The following ABLIM2 variants were observed in gnomAD, a reference collection of about 807,000 sequenced individuals.
ABLIM2 encodes actin-binding LIM protein 2.
A neutral mutation model predicts 97.7 loss-of-function variants in ABLIM2; 53 were observed. That is an observed-to-expected ratio of 0.54 (90% confidence interval 0.44 to 0.68). ABLIM2 has a LOEUF of 0.68. Among genes scored for constraint, ABLIM2 ranks in the 30% least tolerant of loss-of-function variants. The probability of loss-of-function intolerance (pLI) is 0.00; values close to 1 mark genes in which losing one functional copy is unlikely to be tolerated. For synonymous variants in ABLIM2, 361 were observed against 345.8 expected (o/e 1.04, Z -0.49); for missense variants, 835 against 867.2 (o/e 0.96, Z 0.47).
rs1753198849 is a variant in ABLIM2, at chr4:7,996,197, T to C, written c.1619-3270A>G. Among the ~76,000 whole-genome samples, 1 of 152,166 alleles carries C rather than the reference T, an allele frequency of 6.6e-6. No individual in the cohort carries two copies. The highest frequency in any genetic ancestry group is 2.1e-4 in the South Asian group (1 of 4,830). On this transcript the variant is annotated intron_variant, in intron 16 of 20. Coordinates refer to ENST00000447017, the MANE Select transcript of ABLIM2 (RefSeq NM_001130083.2). The surrounding 1 kb of genome is among the most constrained non-coding windows in gnomAD (Gnocchi z 4.5). ...GGAACTCGTCAGAAATGCAAATTAG[T>C]GGGCCCTACCCTAGACCTCCTGTGT...
Position 7,986,386 on chromosome 4 carries a change from G to A in ABLIM2, c.1681-1493C>T, listed in dbSNP as rs1358070054. 2.0e-5 allele frequency among the ~76,000 whole-genome samples: 3 copies of A among 152,210 alleles called. No individual in the cohort carries two copies. The highest frequency in any genetic ancestry group is 4.4e-5 in the Non-Finnish European group (3 of 68,040). On this transcript the variant is annotated intron_variant, in intron 17 of 20. Coordinates refer to ENST00000447017, the MANE Select transcript of ABLIM2 (RefSeq NM_001130083.2). The surrounding 1 kb of genome is among the most constrained non-coding windows in gnomAD (Gnocchi z 4.3). ...CCGAGGGAAGCTGGACCTTCTTCCT[G>A]ATGCAGAGCTGGAGTCAGAGGGCTA...
chr4:8,115,136 A>G (rs150145058), intron 1 of ABLIM2, among the ~76,000 whole-genome samples: 1 of 152,328 alleles, frequency 6.6e-6, no homozygotes, highest in Non-Finnish European at 1.5e-5. Flanking sequence ...AGATGTGTGC[A>G]GATGAAACTG....
At chr4:8,110,509 A>G (rs1278421766) in intron 1 of ABLIM2, among the ~76,000 whole-genome samples, 1 of 152,154 alleles carries the variant, frequency 6.6e-6, no homozygotes, top group Non-Finnish European at 1.5e-5. Context: ...GGCCCCAAGG[A>G]TGCCAGGACC....
In ABLIM2 at chr4:7,965,863, G is replaced by C. The variant is rs1722776986; in HGVS notation, c.*1127C>G. On this transcript the variant is annotated 3_prime_UTR_variant, in exon 21 of 21. Transcript: ENST00000447017. Reference sequence around the variant, plus strand: ...CTGTTTCAGGGAGCACATCGCTCCTGGGGCATGTGGGGTTTATGTTTCAGG... The same window carrying C: ...CTGTTTCAGGGAGCACATCGCTCCTCGGGCATGTGGGGTTTATGTTTCAGG... The C allele has an allele frequency of 2.0e-5, 3 of 152,078 alleles. No individual in the cohort carries two copies. The allele number at this position is 152,078 out of a possible 1,614,324, so 9.4% of individuals were successfully genotyped here.
In ABLIM2 at chr4:8,095,025, CCCA is replaced by C. The variant is rs1271971212; in HGVS notation, c.338+2071_338+2073del. The stretch of plus-strand genomic sequence containing the variant: ...TTCTTTCTTTCTCTCTCTCTCTCCC[CCCA>C]CTTCTTTCCTTCCTTCCTTCTTTCT... On this transcript the variant is annotated intron_variant, in intron 3 of 20. Coordinates refer to ENST00000447017, the MANE Select transcript of ABLIM2 (RefSeq NM_001130083.2). This position sits in a 1 kb window ranked among gnomAD's most constrained non-coding sequence, Gnocchi z 4.7. 3.4e-5 allele frequency among the ~76,000 whole-genome samples: 5 copies of C among 147,590 alleles called. No homozygotes were observed. Among genetic ancestry groups the C allele is most frequent in the South Asian group, 2.2e-4 (1 of 4,592 alleles).
At chr4:8,092,523 TG>T (rs1829368187) in intron 3 of ABLIM2, among the ~76,000 whole-genome samples, 1 of 152,218 alleles carries the variant, frequency 6.6e-6, no homozygotes, top group Non-Finnish European at 1.5e-5. Context: ...TAGTCTTAAC[TG>T]TTTCCTGGAC....
At chr4:8,020,846 C>CTT (rs34799650) in intron 12 of ABLIM2, 252 of 94,566 alleles carry the variant, frequency 2.7e-3, no homozygotes, top group African/African-American at 4.8e-3. Context: ...TTACCACATT[C>CTT]TTTTTTTTTT....
chr4:8,027,985 A>T (rs960408807), intron 11 of ABLIM2, 128 bp from the exon 12 acceptor site: 5 of 640,196 alleles, frequency 7.8e-6, no homozygotes, highest in Non-Finnish European at 1.2e-5. Flanking sequence ...AACTTTTTGC[A>T]CCTGAAGGTG....
intron 1 of ABLIM2, among the ~76,000 whole-genome samples, chr4:8,114,435 T>A (rs1841877845): frequency 6.6e-6 from 1 of 152,222 alleles, no homozygotes; most frequent in Admixed American, 6.5e-5. Flanking sequence ...GCCCGTGCCT[T>A]ACAGTGTGTC....
At chr4:8,039,513 C>A (rs531252051) in intron 9 of ABLIM2, among the ~76,000 whole-genome samples, 1 of 152,292 alleles carries the variant, frequency 6.6e-6, no homozygotes, top group East Asian at 1.9e-4. Context: ...GCCATGACAA[C>A]GGGCTGCACT....
At chr4:8,039,881 T>G (rs919262951) in intron 9 of ABLIM2, among the ~76,000 whole-genome samples, 18 of 141,980 alleles carry the variant, frequency 1.3e-4, no homozygotes, top group Admixed American at 2.2e-4. Flanking sequence ...ACTGTTTTTT[T>G]TTTTTTTTTT....
At chr4:8,053,858 C>T (rs371972730) in intron 8 of ABLIM2, among the ~76,000 whole-genome samples, 6 of 152,158 alleles carry the variant, frequency 3.9e-5, no homozygotes, top group South Asian at 2.1e-4. Context: ...CGTCCTGCCA[C>T]GGGACGGCTC....
rs945069780 is a variant in ABLIM2, at chr4:8,033,770, G to A, written c.1047+2379C>T. 6.6e-6 allele frequency among the ~76,000 whole-genome samples: 1 copy of A among 152,238 alleles called. No individual in the cohort carries two copies. The highest frequency in any genetic ancestry group is 2.4e-5 in the African/African-American group (1 of 41,464). ...CTGCCATTTGAGAGGCGCAGCCCCA[G>A]AGAGGCTGAAAGAAACCTCAGTGAC... On this transcript the variant is annotated intron_variant, in intron 10 of 20. Coordinates refer to ENST00000447017, the MANE Select transcript of ABLIM2 (RefSeq NM_001130083.2). This position sits in a 1 kb window ranked among gnomAD's most constrained non-coding sequence, Gnocchi z 4.5.
rs750867017 is a variant in ABLIM2 at position 7,992,971 on chromosome 4, T to A, written c.1619-44A>T. On this transcript the variant is annotated intron_variant, in intron 16 of 20. Transcript: ENST00000447017. This position sits in a 1 kb window ranked among gnomAD's most constrained non-coding sequence, Gnocchi z 5.7. ...AGCTTTGTCACGCGCGCAGACTCGGTGCAGCAATGGGGGTGCAGCCCTGGG... is the reference window on the plus strand; with the variant it reads ...AGCTTTGTCACGCGCGCAGACTCGGAGCAGCAATGGGGGTGCAGCCCTGGG... 6.3e-7 allele frequency: 1 copy of A among 1,599,286 alleles called. No homozygotes were observed. The highest frequency in any genetic ancestry group is 1.1e-5 in the South Asian group (1 of 89,254).
chr4:8,129,265 T>C (rs2152928283), intron 1 of ABLIM2, among the ~76,000 whole-genome samples: 1 of 152,224 alleles, frequency 6.6e-6, no homozygotes, highest in East Asian at 1.9e-4. Context: ...GAAATACGTA[T>C]GCCCCGCCCC....
In ABLIM2 at chr4:8,098,648, CGG is replaced by C. The variant is rs1240835259; in HGVS notation, c.155-1368_155-1367del. On this transcript the variant is annotated intron_variant, in intron 2 of 20. Coordinates refer to ENST00000447017, the MANE Select transcript of ABLIM2 (RefSeq NM_001130083.2). ...CTTAGATTCCAGATGCCGGAGCTGC[CGG>C]GATTCGAATCCCAGCTCTACCCGCG... 1.1e-4 allele frequency among the ~76,000 whole-genome samples: 17 copies of C among 152,164 alleles called. No individual in the cohort carries two copies. In the East Asian group the frequency reaches 3.1e-3, roughly 28 times the overall value.
Position 8,077,709 on chromosome 4 carries a change from G to C in ABLIM2, c.594C>G (p.Pro198=), listed in dbSNP as rs375933150. ...NAEYISKDGL[P]YCEADYHAKF... is the part of the protein sequence containing the mutation. ...TGGCGTGATAGTCAGCTTCGCAGTA[G>C]GGCAGCCCATCCCTGCAATGAGACA... Residue 198 remains proline (P), a synonymous_variant, in exon 6 of 21, where the codon CCC becomes CCG. Coordinates refer to ENST00000447017, the MANE Select transcript of ABLIM2 (RefSeq NM_001130083.2). 12 of 1,612,076 alleles carry C rather than the reference G, an allele frequency of 7.4e-6. No homozygotes were observed. The highest frequency in any genetic ancestry group is 1.7e-4 in the Middle Eastern group (1 of 6,058).
intron 1 of ABLIM2, among the ~76,000 whole-genome samples, chr4:8,154,357 C>T (rs1336719563): frequency 3.4e-5 from 5 of 148,410 alleles, no homozygotes; most frequent in African/African-American, 1.3e-4. Context: ...TCTCAGCTCA[C>T]TGCAACCTCT....
chr4:8,025,902 G>A (rs1777016874), intron 12 of ABLIM2, among the ~76,000 whole-genome samples: 1 of 152,218 alleles, frequency 6.6e-6, no homozygotes, highest in Admixed American at 6.5e-5. Context: ...GATTCACTCT[G>A]GGTTTCAGGA....
Sources: allele counts gnomAD v4.1 joint callset (sites outside exome capture counted in the v4.1 genomes callset), GRCh38; gene constraint gnomAD v4.1.1; non-coding constraint Gnocchi (gnomAD v3.1); transcripts MANE v1.5; gene names NCBI Gene and HGNC (gene_info 2026-07-23, HGNC 2026-07-21).